Variants in POLE observed in about 807,000 individuals in gnomAD.
The protein encoded by POLE is DNA polymerase epsilon, catalytic subunit.
A neutral mutation model predicts 279.2 loss-of-function variants in POLE; 188 were observed. The ratio of observed to expected loss-of-function variants is 0.67; its 90% confidence interval spans 0.60 to 0.76. The LOEUF (loss-of-function observed/expected upper bound fraction) is 0.76, where lower values mean the gene tolerates loss of function less well. Among genes scored for constraint, POLE ranks in the 30% least tolerant of loss-of-function variants. The pLI, the probability that POLE is intolerant of heterozygous loss-of-function variation, is 0.00. For synonymous variants in POLE, 1,214 were observed against 1,172.5 expected (o/e 1.04, Z -0.72); for missense variants, 2,703 against 3,016.7 (o/e 0.90, Z 2.44).
rs536954520 is a variant in POLE, at chr12:132,623,951, G to C, written c.*746C>G. On this transcript the variant is annotated 3_prime_UTR_variant, in exon 49 of 49. Transcript: ENST00000320574. ...CATTTCTGATTTACATTTCATACTT[G>C]TTTGGTGCCCTGTGAAATTGGCCTT... 5.8e-5 allele frequency: 11 copies of C among 188,218 alleles called. No homozygotes were observed. The highest frequency in any genetic ancestry group is 1.1e-4 in the Non-Finnish European group (10 of 89,554). 11.7% of individuals were successfully genotyped at this position (188,218 alleles called of 1,614,324 possible). A position where few individuals can be genotyped will look rare whatever the true frequency, so the allele number is the denominator to read the frequency against.
intron 8 of POLE, 112 bp from the exon 9 acceptor site, chr12:132,676,765 G>T: frequency 2.9e-6 from 2 of 697,806 alleles, no homozygotes; most frequent in Non-Finnish European, 5.1e-6. Context: ...GAGTCAAAAG[G>T]CTCTAGAGCT....
chr12:132,653,872 CAGATGTTAAAGT>C (rs2042476284), intron 29 of POLE, among the ~76,000 whole-genome samples: 1 of 152,148 alleles, frequency 6.6e-6, no homozygotes, highest in Non-Finnish European at 1.5e-5. Context: ...TTAACATGAG[CAGATGTTAAAGT>C]TTTACCGCAT....
At position 132,672,729 on chromosome 12, in the gene POLE, C is replaced by T. The variant is rs371824210; in HGVS notation, c.1584G>A (p.Thr528=). The change falls in exon 15 of 49, where the codon ACG becomes ACA. Residue 528 remains threonine, a synonymous_variant. Transcript: ENST00000320574. ...NKQEQEFNKL[T]DDGHVLDSET... ...CAGAGTCCAGCACGTGTCCGTCGTC[C>T]GTCAGCTTATTGAACTCCTGCTCTT... 2.1e-5 allele frequency: 34 copies of T among 1,614,042 alleles called. No individual in the cohort carries two copies. Among genetic ancestry groups the T allele is most frequent in the Admixed American group, 6.7e-5 (4 of 60,016 alleles).
intron 1 of POLE, among the ~76,000 whole-genome samples, chr12:132,684,092 G>A (rs1027581501): frequency 1.7e-5 from 2 of 114,302 alleles, no homozygotes; most frequent in African/African-American, 7.9e-5. Flanking sequence ...CTCATTCACA[G>A]AGAGCTACCA....
chr12:132,635,809 G>A (rs983320912), intron 42 of POLE, 83 bp downstream of exon 42: 100 of 1,456,788 alleles, frequency 6.9e-5, no homozygotes, highest in Non-Finnish European at 8.0e-5. Context: ...CAGGCCCGCC[G>A]GGGCCCTGAG....
intron 29 of POLE, among the ~76,000 whole-genome samples, chr12:132,656,648 G>A (rs1565952397): frequency 1.3e-5 from 2 of 152,172 alleles, no homozygotes; most frequent in Non-Finnish European, 2.9e-5. Flanking sequence ...GTGAGCCACC[G>A]CACCTGGTCA....
rs568428592 is a variant in POLE at position 132,669,403 on chromosome 12, G to A, written c.1795-464C>T. On this transcript the variant is annotated intron_variant, in intron 16 of 48. Coordinates refer to ENST00000320574, the MANE Select transcript of POLE (RefSeq NM_006231.4). The stretch of plus-strand genomic sequence containing the variant: ...CGCTTGAGCCCGTGAGGTCAAGGCT[G>A]TAGTGAGCCCAGATTGCACCACTGC... Among the ~76,000 whole-genome samples, 5 of 152,098 alleles carry A rather than the reference G, an allele frequency of 3.3e-5. No individual in the cohort carries two copies. In the South Asian group the frequency reaches 1.0e-3, roughly 32 times the overall value.
In POLE at chr12:132,676,554, C is replaced by CATTAT; in HGVS notation, c.900_901insATAAT (p.Asp301IlefsTer45). 6.2e-7 allele frequency: 1 copy of CATTAT among 1,610,744 alleles called. No homozygotes were observed. The highest frequency in any genetic ancestry group is 8.5e-7 in the Non-Finnish European group (1 of 1,176,876). ...AGAAGCCACCTGCTCACCTGGCCAT[C>CATTAT]GATCATGTAGGAAATCATCATAATC... is the stretch of plus-strand genomic sequence containing the variant. On this transcript the variant is annotated frameshift_variant, in exon 9 of 49. Coordinates refer to ENST00000320574, the MANE Select transcript of POLE (RefSeq NM_006231.4). LOFTEE classifies it high-confidence loss of function.
Position 132,679,619 on chromosome 12 carries a change from G to A in POLE, c.456C>T (p.Tyr152=), listed in dbSNP as rs560617100. 6.8e-6 allele frequency: 11 copies of A among 1,612,862 alleles called. No individual in the cohort carries two copies. In the South Asian group the frequency reaches 1.1e-4, roughly 16 times the overall value. The change falls in exon 6 of 49, where the codon TAC becomes TAT. Residue 152 remains tyrosine (Y), a synonymous_variant. Coordinates refer to ENST00000320574, the MANE Select transcript of POLE (RefSeq NM_006231.4). ...CCACAGTGTGGAAGGACAGCCTGAT[G>A]TAATTTCGCTTCAAACCCACCAAGT... ...PNHLVGLKRN[Y]IRLSFHTVED...
rs1471088541 is a variant in POLE at position 132,681,109 on chromosome 12, C to A, written c.204+29G>T. 2 of 1,613,046 alleles carry A rather than the reference C, an allele frequency of 1.2e-6. 1 individual carries two copies. The highest frequency in any genetic ancestry group is 2.2e-5 in the South Asian group (2 of 91,010). On this transcript the variant is annotated intron_variant, in intron 2 of 48. Coordinates refer to ENST00000320574, the MANE Select transcript of POLE (RefSeq NM_006231.4). ...TGACCAGAAGGGTTGCAGCCATATT[C>A]CTGGGTGGGAGAAGGACCTAGTGCT... is the stretch of plus-strand genomic sequence containing the variant.
In POLE at chr12:132,638,132, C is replaced by T. The variant is rs557167678; in HGVS notation, c.5560G>A (p.Ala1854Thr). The T allele has an allele frequency of 9.9e-6, 16 of 1,613,378 alleles. No homozygotes were observed. The highest frequency in any genetic ancestry group is 2.7e-5 in the African/African-American group (2 of 74,916). ...MMKKLFLQLIAEFKRLGSSVI... is the reference protein window; with the variant it reads ...MMKKLFLQLITEFKRLGSSVI... ...GATGACCCCAGGCGCTTGAACTCAG[C>T]GATGAGCCTGTGGAGCAAGTTGAGA... The change falls in exon 41 of 49, where the codon GCT (alanine) becomes ACT (threonine). Residue 1854 changes from alanine (A) to threonine (T), a missense_variant. Transcript: ENST00000320574.
chr12:132,635,725 C>T (rs1480634473), intron 42 of POLE, among the ~76,000 whole-genome samples, 167 bp downstream of exon 42: 3 of 152,264 alleles, frequency 2.0e-5, no homozygotes, highest in Non-Finnish European at 4.4e-5. Context: ...TCCACACTGA[C>T]GTGCTTGTCT....
intron 45 of POLE, among the ~76,000 whole-genome samples, chr12:132,630,342 GA>G (rs2041912776): frequency 6.6e-6 from 1 of 152,162 alleles, no homozygotes; most frequent in East Asian, 1.9e-4. Flanking sequence ...ATCCCATGCA[GA>G]AATATGGACT....
chr12:132,661,141 C>T lies in POLE; in HGVS notation c.2888G>A (p.Gly963Asp), dbSNP rs777454763. Residue 963 changes from glycine (G) to aspartate (D), a missense_variant, in exon 25 of 49, where the codon GGT (glycine) becomes GAT (aspartate). Around this residue, in one of 5 missense-constraint regions of POLE, gnomAD observed 101 missense variants for 115.4 expected, o/e 0.87. Coordinates refer to ENST00000320574, the MANE Select transcript of POLE (RefSeq NM_006231.4). The surrounding 1 kb of genome is among the most constrained non-coding windows in gnomAD (Gnocchi z 4.1). The part of the protein sequence containing the change: ...KKRYAVFNED[G>D]SLAELKGFEV... The stretch of plus-strand genomic sequence containing the variant: ...AAAGCCCTTGAGCTCAGCCAGAGAA[C>T]CGTCTTCATTGAACACAGCATACCT... The T allele has an allele frequency of 4.3e-6, 7 of 1,611,744 alleles. No homozygotes were observed. The Admixed American group carries it at 8.4e-5, about 19-fold the overall frequency.
At chr12:132,632,913 A>G (rs2041964222) in intron 43 of POLE, 118 bp from the exon 44 acceptor site, 2 of 1,161,436 alleles carry the variant, frequency 1.7e-6, no homozygotes, top group Non-Finnish European at 2.4e-6. Flanking sequence ...TGTCATTGTT[A>G]ATAATTTTAT....
At position 132,680,030 on chromosome 12, in the gene POLE, A is replaced by G. The variant is rs771744496; in HGVS notation, c.347T>C (p.Val116Ala). ...AAACTTCTTGGAGAGAAAAGATGAA[A>G]CTTCTCGCTCACAACCCTAATCAGG... Reference protein sequence around the residue: ...IATRKGCEREVSSFLSKKFQG... With the variant: ...IATRKGCEREASSFLSKKFQG... The change falls in exon 5 of 49, where the codon GTT (valine) becomes GCT (alanine). Residue 116 changes from valine (V) to alanine (A), a missense_variant. Coordinates refer to ENST00000320574, the MANE Select transcript of POLE (RefSeq NM_006231.4). 8.1e-6 allele frequency: 13 copies of G among 1,613,754 alleles called. No individual in the cohort carries two copies. Among genetic ancestry groups the G allele is most frequent in the African/African-American group, 4.0e-5 (3 of 74,902 alleles).
intron 32 of POLE, 128 bp from the exon 33 acceptor site, chr12:132,644,105 G>T: frequency 2.5e-6 from 2 of 792,542 alleles, no homozygotes; most frequent in Non-Finnish European, 4.1e-6. Context: ...CACCCACCAC[G>T]CCACAGTCCA....
In POLE at chr12:132,634,070, T is replaced by C; in HGVS notation, c.6004+116A>G. 1 of 965,926 alleles carries C rather than the reference T, an allele frequency of 1.0e-6. No individual in the cohort carries two copies. Among genetic ancestry groups the C allele is most frequent in the Non-Finnish European group, 1.6e-6 (1 of 636,908 alleles). 59.8% of individuals were successfully genotyped at this position (965,926 alleles called of 1,614,324 possible). A position where few individuals can be genotyped will look rare whatever the true frequency, so the allele number is the denominator to read the frequency against. ...ACAAAGTCCCAACTGCTGGGCAGGC[T>C]CCGCCCGATCTGATTTTCCCTGTCT... On this transcript the variant is annotated intron_variant, in intron 43 of 48. Coordinates refer to ENST00000320574, the MANE Select transcript of POLE (RefSeq NM_006231.4). This position sits in a 1 kb window ranked among gnomAD's most constrained non-coding sequence, Gnocchi z 4.0.
At chr12:132,667,367 A>T in intron 20 of POLE, 136 bp downstream of exon 20, 1 of 933,240 alleles carries the variant, frequency 1.1e-6, no homozygotes, top group South Asian at 1.6e-5. Context: ...TTCCAAGTCA[A>T]AAACAATTGC....
Sources: allele counts gnomAD v4.1 joint callset (sites outside exome capture counted in the v4.1 genomes callset), GRCh38; gene constraint gnomAD v4.1.1; regional missense constraint gnomAD v4.1.1; non-coding constraint Gnocchi (gnomAD v3.1); transcripts MANE v1.5; gene names NCBI Gene and HGNC (gene_info 2026-07-23, HGNC 2026-07-21).